The following MACROD1 variants were observed in gnomAD, a reference collection of about 807,000 sequenced individuals.
MACROD1 encodes the protein mono-ADP ribosylhydrolase 1.
In MACROD1, 31 loss-of-function variants were observed where a neutral mutation model predicts 41.4. That is an observed-to-expected ratio of 0.75 (90% CI 0.56 to 1.01). MACROD1 has a LOEUF of 1.01. MACROD1 is among the 50% of genes least tolerant of loss of function. The pLI is 0.00. For missense variants in MACROD1, 473 were observed against 460.0 expected, an observed-to-expected ratio of 1.03 and a Z score of -0.26; for synonymous variants, 252 against 203.4, an observed-to-expected ratio of 1.24 and a Z score of -2.03.
intron 4 of MACROD1, among the ~76,000 whole-genome samples, chr11:64,014,446 C>T (rs1217519058): frequency 6.6e-6 from 1 of 152,244 alleles, no homozygotes; most frequent in East Asian, 1.9e-4. Flanking sequence ...TATTTTTCCC[C>T]CTTTTAAAAC....
intron 3 of MACROD1, among the ~76,000 whole-genome samples, chr11:64,035,386 T>TGGAC (rs1943353678): frequency 6.6e-6 from 1 of 152,000 alleles, no homozygotes; most frequent in African/African-American, 2.4e-5. Flanking sequence ...AATGCACGGG[T>TGGAC]GGACGGATGA....
chr11:64,072,425 A>G (rs971936733), intron 3 of MACROD1, among the ~76,000 whole-genome samples: 2 of 114,704 alleles, frequency 1.7e-5, no homozygotes, highest in African/African-American at 5.3e-5. Context: ...GGCTCATTTA[A>G]AAAAAAAAAA....
chr11:64,146,336 G>A lies in MACROD1; in HGVS notation c.517+4903C>T, dbSNP rs778662073. On this transcript the variant is annotated intron_variant, in intron 3 of 10. Transcript: ENST00000255681. This position sits in a 1 kb window ranked among gnomAD's most constrained non-coding sequence, Gnocchi z 4.7. ...AGGCAAGGCTGGAGAGGCAGGCACC[G>A]GCTCTGAGAACCTCCTCCTCCAGAA... Among the ~76,000 whole-genome samples the A allele has an allele frequency of 3.3e-5, 5 of 152,192 alleles. No individual in the cohort carries two copies. The highest frequency in any genetic ancestry group is 7.2e-5 in the African/African-American group (3 of 41,442).
chr11:64,102,054 G>C (rs556814770), intron 3 of MACROD1, among the ~76,000 whole-genome samples: 3 of 152,142 alleles, frequency 2.0e-5, no homozygotes, highest in Non-Finnish European at 2.9e-5. Flanking sequence ...ATTTGTAACG[G>C]CCTCTGACAA....
At chr11:64,049,996 T>G (rs59341826) in intron 3 of MACROD1, among the ~76,000 whole-genome samples, 36,520 of 152,214 alleles carry the variant, frequency 0.24, 8,681 homozygotes, top group African/African-American at 0.6. Flanking sequence ...CTGGATGCCA[T>G]ATTATAAATA....
chr11:64,107,032 C>T (rs1223649658), intron 3 of MACROD1, among the ~76,000 whole-genome samples: 1 of 152,162 alleles, frequency 6.6e-6, no homozygotes, highest in Non-Finnish European at 1.5e-5. Context: ...TACAGGCATG[C>T]ACCACCATGC....
chr11:64,150,174 C>T (rs1426994813), intron 3 of MACROD1, among the ~76,000 whole-genome samples: 2 of 152,250 alleles, frequency 1.3e-5, no homozygotes, highest in East Asian at 3.8e-4. Flanking sequence ...CGGACCAGGC[C>T]CGGGGCGGCC....
chr11:64,145,250 C>T (rs1945479281), intron 3 of MACROD1, among the ~76,000 whole-genome samples: 3 of 152,170 alleles, frequency 2.0e-5, no homozygotes, highest in South Asian at 2.1e-4. Flanking sequence ...GCTTCCCACC[C>T]GTCCCCGCCG....
intron 3 of MACROD1, among the ~76,000 whole-genome samples, chr11:64,136,857 C>A (rs1206363412): frequency 1.3e-5 from 2 of 152,226 alleles, no homozygotes; most frequent in African/African-American, 4.8e-5. Context: ...TGCACAGGGG[C>A]CTCCCCAAGT....
intron 3 of MACROD1, among the ~76,000 whole-genome samples, chr11:64,065,638 A>C (rs1191766363): frequency 1.3e-5 from 2 of 151,892 alleles, no homozygotes; most frequent in African/African-American, 4.8e-5. Flanking sequence ...AAAATACAAA[A>C]AATTAGCCAG....
intron 3 of MACROD1, among the ~76,000 whole-genome samples, chr11:64,073,188 G>A (rs1317436287): frequency 6.6e-6 from 1 of 152,240 alleles, no homozygotes; most frequent in South Asian, 2.1e-4. Context: ...AGGGCTGCCT[G>A]CTTCTGCCTA....
intron 3 of MACROD1, among the ~76,000 whole-genome samples, chr11:64,100,635 A>C (rs1183951186): frequency 1.3e-5 from 2 of 152,220 alleles, no homozygotes; most frequent in African/African-American, 4.8e-5. Flanking sequence ...GGTTCAGTGA[A>C]TGCAGGTGGC....
chr11:64,059,544 C>T (rs560508194), intron 3 of MACROD1, among the ~76,000 whole-genome samples: 2 of 152,200 alleles, frequency 1.3e-5, no homozygotes, highest in African/African-American at 4.8e-5. Context: ...CTGCAGGGTA[C>T]TTCCACCCTC....
In MACROD1 at chr11:64,015,163, T is replaced by G. The variant is rs1371419338; in HGVS notation, c.547+89A>C. Reference sequence around the variant, plus strand: ...GTGGGGAAGGTGGATTGCAGTGAGATGGGCACCGAGGGCGAGGGGCAGGGG... The same window carrying G: ...GTGGGGAAGGTGGATTGCAGTGAGAGGGGCACCGAGGGCGAGGGGCAGGGG... On this transcript the variant is annotated intron_variant, in intron 4 of 10. Coordinates refer to ENST00000255681, the MANE Select transcript of MACROD1 (RefSeq NM_014067.4). 4 of 1,356,462 alleles carry G rather than the reference T, an allele frequency of 2.9e-6. No homozygotes were observed. In the Admixed American group the frequency reaches 7.7e-5, roughly 26 times the overall value. 84.0% of individuals were successfully genotyped at this position (1,356,462 alleles called of 1,614,324 possible). A position where few individuals can be genotyped will look rare whatever the true frequency, so the allele number is the denominator to read the frequency against.
chr11:64,049,862 C>T (rs1943657677), intron 3 of MACROD1, among the ~76,000 whole-genome samples: 1 of 152,188 alleles, frequency 6.6e-6, no homozygotes, highest in Admixed American at 6.5e-5. Flanking sequence ...TGATCCACCC[C>T]ACCATCCCCC....
chr11:64,035,384 G>A (rs1943353576), intron 3 of MACROD1, among the ~76,000 whole-genome samples: 1 of 152,144 alleles, frequency 6.6e-6, no homozygotes, highest in African/African-American at 2.4e-5. Context: ...TGAATGCACG[G>A]GTGGACGGAT....
intron 3 of MACROD1, among the ~76,000 whole-genome samples, chr11:64,135,081 G>T (rs1459757132): frequency 2.0e-5 from 3 of 152,230 alleles, no homozygotes; most frequent in African/African-American, 7.2e-5. Flanking sequence ...CATCCTGACT[G>T]GTAAAACCCA....
rs138747206 is a variant in MACROD1 at position 64,037,045 on chromosome 11, G to A, written c.518-21764C>T. On this transcript the variant is annotated intron_variant, in intron 3 of 10. Transcript: ENST00000255681. Reference sequence around the variant, plus strand: ...GGAGGTCTTCGAGGCCCTCCAGGGTGGGCAGTTTTGAGAGAATACAGCCCA... The same window carrying A: ...GGAGGTCTTCGAGGCCCTCCAGGGTAGGCAGTTTTGAGAGAATACAGCCCA... 1.9e-3 allele frequency among the ~76,000 whole-genome samples: 284 copies of A among 151,474 alleles called. 1 individual carries two copies. Among genetic ancestry groups the A allele is most frequent in the African/African-American group, 6.5e-3 (268 of 41,272 alleles).
chr11:64,027,811 T>C (rs1355707598), intron 3 of MACROD1, among the ~76,000 whole-genome samples: 1 of 152,002 alleles, frequency 6.6e-6, no homozygotes, highest in Non-Finnish European at 1.5e-5. Context: ...TTGACCTAGG[T>C]TCCCCTCCCC....
Sources: allele counts gnomAD v4.1 joint callset (sites outside exome capture counted in the v4.1 genomes callset), GRCh38; gene constraint gnomAD v4.1.1; non-coding constraint Gnocchi (gnomAD v3.1); transcripts MANE v1.5; gene names NCBI Gene and HGNC (gene_info 2026-07-23, HGNC 2026-07-21).